SCAF11: variants seen among roughly 807,000 people sequenced by gnomAD.
SCAF11 encodes protein SCAF11.
A neutral mutation model predicts 140.5 loss-of-function variants in SCAF11; 47 were observed. The ratio of observed to expected loss-of-function variants is 0.33; its 90% CI spans 0.26 to 0.43. The LOEUF (loss-of-function observed/expected upper bound fraction) is 0.43. Among genes scored for constraint, SCAF11 ranks in the 20% least tolerant of loss-of-function variants. The pLI is 1.00. For synonymous variants in SCAF11, 557 were observed against 579.4 expected (o/e 0.96, Z 0.55); for missense variants, 1,645 against 1,705.1 (o/e 0.96, Z 0.62).
intron 1 of SCAF11, among the ~76,000 whole-genome samples, chr12:45,988,406 T>C (rs192293087): frequency 2.6e-4 from 40 of 152,362 alleles, no homozygotes; most frequent in Admixed American, 1.8e-3. Flanking sequence ...TTACTGATGA[T>C]GAATCAACAG....
rs549462108 is a variant in SCAF11 at position 45,942,890 on chromosome 12, C to T, written c.463+2359G>A. 7.2e-5 allele frequency among the ~76,000 whole-genome samples: 11 copies of T among 152,242 alleles called. No homozygotes were observed. In the East Asian group the frequency reaches 1.2e-3, roughly 16 times the overall value. Reference sequence around the variant, plus strand: ...TACGAGAAGATCCCATTGACAAGCACTTTGTTGTTTTTGTTCACTACTATA... The same window carrying T: ...TACGAGAAGATCCCATTGACAAGCATTTTGTTGTTTTTGTTCACTACTATA... On this transcript the variant is annotated intron_variant, in intron 6 of 14. Coordinates refer to ENST00000369367, the MANE Select transcript of SCAF11 (RefSeq NM_004719.3).
chr12:45,968,994 G>A (rs936966130), intron 1 of SCAF11, among the ~76,000 whole-genome samples: 3 of 152,172 alleles, frequency 2.0e-5, no homozygotes, highest in African/African-American at 7.2e-5. Context: ...CTAGAATAGT[G>A]CTGCCCAACA....
rs749130513 is a variant in SCAF11 at position 45,928,378 on chromosome 12, G to C, written c.1323C>G (p.Asn441Lys). 4.3e-6 allele frequency: 7 copies of C among 1,614,068 alleles called. No homozygotes were observed. The East Asian group carries it at 1.6e-4, about 36-fold the overall frequency. ...NICTVQTHVE[N>K]QSANCLKSCN... The stretch of plus-strand genomic sequence containing the variant: ...AACTTTTCAAGCAATTAGCAGACTG[G>C]TTTTCTACATGAGTCTGCACAGTAC... The change falls in exon 11 of 15, where the codon AAC becomes AAG. Residue 441 changes from asparagine (N) to lysine (K), a missense_variant. Around this residue, in one of 2 missense-constraint regions of SCAF11, gnomAD observed 1,582 missense variants for 1,609.2 expected, o/e 0.98. Transcript: ENST00000369367.
intron 3 of SCAF11, among the ~76,000 whole-genome samples, chr12:45,953,394 T>A (rs1455715026): frequency 6.6e-6 from 1 of 152,148 alleles, no homozygotes; most frequent in African/African-American, 2.4e-5. Context: ...AAAGTTGAAA[T>A]CTGGCTGAGC....
chr12:45,966,660 G>C (rs997091745), intron 1 of SCAF11, among the ~76,000 whole-genome samples: 13 of 152,178 alleles, frequency 8.5e-5, no homozygotes, highest in Admixed American at 2.6e-4. Context: ...ATATCATCCA[G>C]TGCTTCCAGG....
chr12:45,977,772 G>A (rs1490271551), intron 1 of SCAF11, among the ~76,000 whole-genome samples: 2 of 152,102 alleles, frequency 1.3e-5, no homozygotes, highest in East Asian at 1.9e-4. Flanking sequence ...TTGGGAGGGG[G>A]TGTTTGAATG....
chr12:45,974,411 G>A (rs573906545), intron 1 of SCAF11: 18 of 330,986 alleles, frequency 5.4e-5, no homozygotes, highest in African/African-American at 3.9e-4. Context: ...TGTACAAGAT[G>A]CTATTTGACA....
At chr12:45,983,358 A>T (rs968909434) in intron 1 of SCAF11, among the ~76,000 whole-genome samples, 5 of 152,210 alleles carry the variant, frequency 3.3e-5, no homozygotes, top group Non-Finnish European at 7.4e-5. Context: ...AGACACATAG[A>T]TATCAACAAA....
chr12:45,927,029 T>C lies in SCAF11; in HGVS notation c.2672A>G (p.Asn891Ser). 1 of 1,614,008 alleles carries C rather than the reference T, an allele frequency of 6.2e-7. No individual in the cohort carries two copies. Among genetic ancestry groups the C allele is most frequent in the African/African-American group, 1.3e-5 (1 of 75,062 alleles). ...TTTCACTCTTGGCTGAGATCTTTTG[T>C]TCTCTCTAGAAGTTTCTCTTCTTGG... ...LSPRRETSRENKRSQPRVKDS... is the reference protein window; with the variant it reads ...LSPRRETSRESKRSQPRVKDS... Residue 891 changes from asparagine to serine, a missense_variant, in exon 11 of 15, where the codon AAC (asparagine) becomes AGC (serine). Transcript: ENST00000369367.
At chr12:45,944,951 T>C (rs1301968653) in intron 6 of SCAF11, 1 of 343,078 alleles carries the variant, frequency 2.9e-6, no homozygotes, top group Non-Finnish European at 5.2e-6. Context: ...ACTTCTGCAC[T>C]AATGGGTGGA....
rs1168817278 is a variant in SCAF11, at chr12:45,924,733, A to G, written c.3901T>C (p.Leu1301=). 6 of 1,403,146 alleles carry G rather than the reference A, an allele frequency of 4.3e-6. No homozygotes were observed. Among genetic ancestry groups the G allele is most frequent in the Non-Finnish European group, 4.8e-6 (5 of 1,041,896 alleles). The allele number at this position is 1,403,146 out of a possible 1,614,324, so 86.9% of individuals were successfully genotyped here. ...TTGAGTTGCTAAAAACATACCTGCA[A>G]TTGCTTTCCATCTGGTTGTGAAGCA... ...YIASQPDGKQ[L]QGIPSSSHVS... Residue 1301 remains leucine, a synonymous_variant, in exon 12 of 15, where the codon TTG becomes CTG. Transcript: ENST00000369367.
chr12:45,972,909 GATAT>G lies in SCAF11; in HGVS notation c.-21-8725_-21-8722del, dbSNP rs1318936786. Among the ~76,000 whole-genome samples the G allele has an allele frequency of 4.7e-3, 322 of 68,426 alleles. 17 individuals carry two copies. Among genetic ancestry groups the G allele is most frequent in the Middle Eastern group, 6.8e-3 (1 of 146 alleles). 44.9% of individuals were successfully genotyped at this position (68,426 alleles called of 152,430 possible). ...ATATATATAGATATATATATATATA[GATAT>G]ATATATAGATATATAGATATATATA... On this transcript the variant is annotated intron_variant, in intron 1 of 14. Transcript: ENST00000369367.
intron 4 of SCAF11, among the ~76,000 whole-genome samples, chr12:45,950,345 A>C (rs1284952631): frequency 6.6e-6 from 1 of 152,188 alleles, no homozygotes; most frequent in Non-Finnish European, 1.5e-5. Context: ...CACTTAAGAG[A>C]ATGTGGAAGA....
intron 5 of SCAF11, among the ~76,000 whole-genome samples, chr12:45,946,508 AG>A (rs1352901734): frequency 1.3e-5 from 2 of 152,244 alleles, no homozygotes; most frequent in African/African-American, 4.8e-5. Context: ...GACAAATCTC[AG>A]AAAAAGCAGT....
rs1225989003 is a variant in SCAF11 at position 45,948,518 on chromosome 12, A to T, written c.317T>A (p.Leu106Gln). ...GYVKVQVKKQ[L>Q]RETKDKKNEN... The stretch of plus-strand genomic sequence containing the variant: ...ATTTTTCTTGTCTTTTGTTTCTCTC[A>T]GCTGTTTTTTTACTTGAACCTATGA... The change falls in exon 5 of 15, where the codon CTG (leucine) becomes CAG (glutamine). Residue 106 changes from leucine (L) to glutamine (Q), a missense_variant. Physicochemically the swap from Leu to Gln is moderately radical, Grantham distance 113. Around this residue, in one of 2 missense-constraint regions of SCAF11, gnomAD observed 1,582 missense variants for 1,609.2 expected, o/e 0.98. Coordinates refer to ENST00000369367, the MANE Select transcript of SCAF11 (RefSeq NM_004719.3). 1 of 1,610,192 alleles carries T rather than the reference A, an allele frequency of 6.2e-7. No homozygotes were observed. The highest frequency in any genetic ancestry group is 1.3e-5 in the African/African-American group (1 of 74,842).
chr12:45,982,613 G>C (rs1413417289), intron 1 of SCAF11, among the ~76,000 whole-genome samples: 1 of 152,152 alleles, frequency 6.6e-6, no homozygotes, highest in African/African-American at 2.4e-5. Context: ...ACTGAGGCAG[G>C]AGAATTGCTT....
At chr12:45,987,204 G>A (rs992259998) in intron 1 of SCAF11, among the ~76,000 whole-genome samples, 7 of 152,100 alleles carry the variant, frequency 4.6e-5, no homozygotes, top group Non-Finnish European at 7.4e-5. Flanking sequence ...ACACCACTGC[G>A]CTCCAGCCTG....
intron 3 of SCAF11, among the ~76,000 whole-genome samples, chr12:45,954,147 C>G (rs1328061754): frequency 6.6e-6 from 1 of 152,210 alleles, no homozygotes; most frequent in Admixed American, 6.5e-5. Context: ...CAAAGACTCT[C>G]AAATCATACA....
chr12:45,927,558 C>T lies in SCAF11; in HGVS notation c.2143G>A (p.Glu715Lys), dbSNP rs1944913891. The T allele has an allele frequency of 6.2e-7, 1 of 1,613,230 alleles. No individual in the cohort carries two copies. Among genetic ancestry groups the T allele is most frequent in the Non-Finnish European group, 8.5e-7 (1 of 1,179,918 alleles). The change falls in exon 11 of 15, where the codon GAA (glutamate) becomes AAA (lysine). Residue 715 changes from glutamate to lysine, a missense_variant. Physicochemically the swap from Glu to Lys is moderately conservative, Grantham distance 56. This residue lies in a region of SCAF11 where 1,582 missense variants were observed against 1,609.2 expected (regional missense o/e 0.98). Transcript: ENST00000369367. ...IQKHFSEDNN[E>K]MIPMECDSFC... ...GAATCACACTCCATAGGTATCATTT[C>T]ATTGTTGTCCTCACTAAAATGCTTC...
Sources: allele counts gnomAD v4.1 joint callset (sites outside exome capture counted in the v4.1 genomes callset), GRCh38; gene constraint gnomAD v4.1.1; regional missense constraint gnomAD v4.1.1; transcripts MANE v1.5; gene names NCBI Gene and HGNC (gene_info 2026-07-23, HGNC 2026-07-21).